ST8SIA6: variants seen among roughly 807,000 people sequenced by gnomAD.
ST8SIA6 encodes the protein alpha-2,8-sialyltransferase 8F.
In ST8SIA6, 39 loss-of-function variants were observed where a neutral mutation model predicts 33.6. The ratio of observed to expected loss-of-function variants is 1.16; its 90% CI spans 0.90 to 1.52. ST8SIA6 has a LOEUF of 1.52. Ranked by LOEUF, ST8SIA6 falls within the 40% of genes most tolerant of loss-of-function variation. The pLI, the probability that ST8SIA6 is intolerant of heterozygous loss-of-function variation, is 0.00. For missense variants in ST8SIA6, 441 were observed against 443.8 expected (o/e 0.99, Z 0.06); for synonymous variants, 172 against 167.2 (o/e 1.03, Z -0.22).
At chr10:17,447,353 C>T (rs1190554850) in intron 2 of ST8SIA6, among the ~76,000 whole-genome samples, 1 of 151,966 alleles carries the variant, frequency 6.6e-6, no homozygotes, top group African/African-American at 2.4e-5. Flanking sequence ...TTGCAGTGAG[C>T]TAAGATTGCG....
intron 2 of ST8SIA6, chr10:17,413,255 T>G (rs1851507852): frequency 1.3e-5 from 2 of 152,122 alleles, no homozygotes; most frequent in African/African-American, 4.8e-5. Context: ...ACTTATTATC[T>G]TTTCTTCTCC....
intron 4 of ST8SIA6, among the ~76,000 whole-genome samples, chr10:17,332,185 A>T (rs188363440): frequency 6.6e-6 from 1 of 152,016 alleles, no homozygotes; most frequent in South Asian, 2.1e-4. Context: ...TCTTTATCCA[A>T]TCTATCATTG....
At chr10:17,416,533 T>C (rs1264396311) in intron 2 of ST8SIA6, among the ~76,000 whole-genome samples, 2 of 152,220 alleles carry the variant, frequency 1.3e-5, no homozygotes, top group African/African-American at 4.8e-5. Context: ...TCTTTTCCAG[T>C]CTTCCCCATC....
At chr10:17,396,531 C>G (rs146631064) in intron 2 of ST8SIA6, among the ~76,000 whole-genome samples, 108 of 152,244 alleles carry the variant, frequency 7.1e-4, no homozygotes, top group African/African-American at 2.2e-3. Flanking sequence ...GAGCATTGGC[C>G]TGTAAATACA....
chr10:17,375,194 C>A (rs1159771830), intron 3 of ST8SIA6, among the ~76,000 whole-genome samples: 2 of 152,120 alleles, frequency 1.3e-5, no homozygotes, highest in African/African-American at 4.8e-5. Flanking sequence ...AAAAAGCAAT[C>A]AAAGCACCAT....
At chr10:17,446,649 A>G (rs1323852624) in intron 2 of ST8SIA6, among the ~76,000 whole-genome samples, 1 of 152,220 alleles carries the variant, frequency 6.6e-6, no homozygotes, top group Admixed American at 6.5e-5. Context: ...AAAGAGAAAT[A>G]AAGTTATTAA....
rs1362775018 is a variant in ST8SIA6 at position 17,371,782 on chromosome 10, TTAA to T, written c.291-12185_291-12183del. 5.2e-4 allele frequency among the ~76,000 whole-genome samples: 47 copies of T among 89,554 alleles called. 1 individual carries two copies. Among genetic ancestry groups the T allele is most frequent in the Middle Eastern group, 0.014 (2 of 138 alleles). 58.8% of individuals were successfully genotyped at this position (89,554 alleles called of 152,430 possible). Reference sequence around the variant, plus strand: ...GCCTGGGTGACAGAGCAAGACTCCATTAAAAAAAAAAAAAAAAAAAAGAAAGAA... The same window carrying T: ...GCCTGGGTGACAGAGCAAGACTCCATAAAAAAAAAAAAAAAAAAGAAAGAA... On this transcript the variant is annotated intron_variant, in intron 3 of 7. Transcript: ENST00000377602.
chr10:17,341,900 C>CAAAAAAAAAAAAAAAAAAAAAAAAA (rs71393004), intron 4 of ST8SIA6, among the ~76,000 whole-genome samples: 1 of 73,164 alleles, frequency 1.4e-5, no homozygotes, highest in Non-Finnish European at 2.4e-5. Flanking sequence ...GGCTCCATCT[C>CAAAAAAAAAAAAAAAAAAAAAAAAA]AAAAAAAAAA....
At chr10:17,366,805 C>A (rs1243292985) in intron 3 of ST8SIA6, among the ~76,000 whole-genome samples, 3 of 152,154 alleles carry the variant, frequency 2.0e-5, no homozygotes, top group African/African-American at 7.2e-5. Flanking sequence ...GGAGTAAATC[C>A]CCCAAACTGT....
At chr10:17,355,699 AT>A (rs2131613210) in intron 4 of ST8SIA6, among the ~76,000 whole-genome samples, 1 of 152,322 alleles carries the variant, frequency 6.6e-6, no homozygotes, top group East Asian at 1.9e-4. Context: ...AGTAAATTCA[AT>A]TTGTAATTCC....
chr10:17,404,064 CAAA>C (rs964237726), intron 2 of ST8SIA6, among the ~76,000 whole-genome samples: 5 of 56,608 alleles, frequency 8.8e-5, no homozygotes, highest in Non-Finnish European at 1.1e-4. Context: ...GACACTGTCT[CAAA>C]AAAAAAAAAA....
At chr10:17,328,541 G>C (rs1848203689) in intron 5 of ST8SIA6, among the ~76,000 whole-genome samples, 1 of 152,174 alleles carries the variant, frequency 6.6e-6, no homozygotes, top group Non-Finnish European at 1.5e-5. Flanking sequence ...GTGCTTCCCA[G>C]TGATGAGGTC....
Position 17,389,158 on chromosome 10 carries a change from C to T in ST8SIA6, c.290+1373G>A, listed in dbSNP as rs192586142. 1.2e-4 allele frequency among the ~76,000 whole-genome samples: 18 copies of T among 152,266 alleles called. No homozygotes were observed. In the East Asian group the frequency reaches 3.5e-3, roughly 29 times the overall value. ...CCTGACCATCAGCACTCCCCACTGC[C>T]CAAGCGCCTACCCTCCAAATTATCT... On this transcript the variant is annotated intron_variant, in intron 3 of 7. Coordinates refer to ENST00000377602, the MANE Select transcript of ST8SIA6 (RefSeq NM_001004470.3).
chr10:17,390,850 A>G (rs918617141), intron 2 of ST8SIA6, among the ~76,000 whole-genome samples: 3 of 144,484 alleles, frequency 2.1e-5, no homozygotes, highest in African/African-American at 7.8e-5. Flanking sequence ...AGAGAACTCT[A>G]TTTTGAAGAC....
intron 4 of ST8SIA6, among the ~76,000 whole-genome samples, chr10:17,332,633 T>C (rs1289996949): frequency 3.3e-5 from 5 of 152,016 alleles, no homozygotes; most frequent in Non-Finnish European, 1.5e-5. Flanking sequence ...GCCTGGTTAA[T>C]TTTTTTAGTA....
intron 4 of ST8SIA6, among the ~76,000 whole-genome samples, chr10:17,349,804 G>A (rs1848971094): frequency 6.6e-6 from 1 of 152,114 alleles, no homozygotes; most frequent in Admixed American, 6.6e-5. Flanking sequence ...GTACTCCCCA[G>A]CCCTTTCCAA....
chr10:17,408,940 CTTTTTTT>C (rs112533742), intron 2 of ST8SIA6, among the ~76,000 whole-genome samples: 2 of 138,366 alleles, frequency 1.4e-5, no homozygotes, highest in Non-Finnish European at 3.2e-5. Flanking sequence ...TTCTTTCTTT[CTTTTTTT>C]TTTTTTTGTA....
intron 2 of ST8SIA6, among the ~76,000 whole-genome samples, chr10:17,425,676 AAAG>A (rs747727544): frequency 2.6e-4 from 39 of 150,862 alleles, no homozygotes; most frequent in African/African-American, 6.1e-4. Flanking sequence ...GAAGAAAGAA[AAAG>A]AAGGAAGGAA....
chr10:17,370,750 C>T (rs1849707629), intron 3 of ST8SIA6, among the ~76,000 whole-genome samples: 1 of 152,146 alleles, frequency 6.6e-6, no homozygotes, highest in Non-Finnish European at 1.5e-5. Flanking sequence ...CAACCCACTT[C>T]CTTGGTGCTG....
Sources: gnomAD v4.1 joint callset for allele counts (sites outside exome capture counted in the v4.1 genomes callset) on GRCh38, gnomAD v4.1.1 for gene constraint, MANE v1.5 for transcripts, NCBI Gene and HGNC (gene_info 2026-07-23, HGNC 2026-07-21) for gene names.